Variants in CD101 observed in about 807,000 individuals in gnomAD.
CD101 encodes the protein immunoglobulin superfamily member 2.
Under a neutral mutation model 98.2 loss-of-function variants are expected in CD101, and 76 were observed. That is an observed-to-expected ratio of 0.77 (90% CI 0.64 to 0.94). The LOEUF is 0.94. Ranked by LOEUF, CD101 falls within the 40% of genes least tolerant of loss-of-function variation. CD101 has a pLI of 0.00. For synonymous variants in CD101, 471 were observed against 472.7 expected (o/e 1.00, Z 0.05); for missense variants, 1,145 against 1,218.8 (o/e 0.94, Z 0.90).
rs1653036102 is a variant in CD101 at position 117,013,747 on chromosome 1, A to G, written c.1183A>G (p.Arg395Gly). The G allele has an allele frequency of 6.2e-7, 1 of 1,613,520 alleles. No homozygotes were observed. Among genetic ancestry groups the G allele is most frequent in the Admixed American group, 1.7e-5 (1 of 59,976 alleles). ...TRTGSWQVLQ[R>G]KQSPDSHVHL... Reference sequence around the variant, plus strand: ...CACAGGTTCCTGGCAGGTGCTTCAGAGAAAGCAGTCACCAGACAGCCACGT... The same window carrying G: ...CACAGGTTCCTGGCAGGTGCTTCAGGGAAAGCAGTCACCAGACAGCCACGT... Residue 395 changes from arginine to glycine, a missense_variant, in exon 4 of 10, where the codon AGA (arginine) becomes GGA (glycine). Physicochemically the swap from Arg to Gly is moderately radical, Grantham distance 125. Transcript: ENST00000682167.
chr1:117,008,398 G>T (rs940013953), intron 1 of CD101, among the ~76,000 whole-genome samples: 1 of 152,094 alleles, frequency 6.6e-6, no homozygotes, highest in African/African-American at 2.4e-5. Flanking sequence ...CTGGGAGGCA[G>T]AGGTTGCAGT....
At chr1:117,026,131 G>A in intron 8 of CD101, 1 of 468,514 alleles carries the variant, frequency 2.1e-6, no homozygotes, top group South Asian at 3.8e-5. Flanking sequence ...AATATCGGGA[G>A]CATCTGACAG....
chr1:117,032,691 A>C (rs1283874378), intron 8 of CD101, among the ~76,000 whole-genome samples: 1 of 152,266 alleles, frequency 6.6e-6, no homozygotes, highest in African/African-American at 2.4e-5. Context: ...ATATCATGTC[A>C]TAAATAAATG....
At chr1:117,003,140 TA>T in intron 1 of CD101, among the ~76,000 whole-genome samples, 1 of 152,030 alleles carries the variant, frequency 6.6e-6, no homozygotes, top group Non-Finnish European at 1.5e-5. Flanking sequence ...AGATTCCATC[TA>T]AAAAAACAAA....
At chr1:117,032,625 C>G (rs886807598) in intron 8 of CD101, 1 of 152,216 alleles carries the variant, frequency 6.6e-6, no homozygotes, top group Admixed American at 6.5e-5. Context: ...TACAATTTTC[C>G]AGTAAAAGCA....
At chr1:117,029,155 GA>G (rs1390748308) in intron 8 of CD101, among the ~76,000 whole-genome samples, 1 of 85,328 alleles carries the variant, frequency 1.2e-5, no homozygotes, top group East Asian at 2.8e-4. Flanking sequence ...AAGAAAGAAA[GA>G]AAGAAAGAAA....
At chr1:117,014,547 T>A (rs1653095775) in intron 4 of CD101, among the ~76,000 whole-genome samples, 1 of 152,162 alleles carries the variant, frequency 6.6e-6, no homozygotes, top group Non-Finnish European at 1.5e-5. Flanking sequence ...TTTATGAAGG[T>A]TGGGTGACCT....
Position 117,021,471 on chromosome 1 carries a change from A to G in CD101, c.2018-102A>G. On this transcript the variant is annotated intron_variant, in intron 6 of 9. Coordinates refer to ENST00000682167, the MANE Select transcript of CD101 (RefSeq NM_001256106.3). This position sits in a 1 kb window ranked among gnomAD's most constrained non-coding sequence, Gnocchi z 4.7. ...GCTACTGTAGAGGGAGTTCACCCAT[A>G]TGATGGCGGGAGGATGCAGTGTCAT... is the stretch of plus-strand genomic sequence containing the variant. The G allele has an allele frequency of 1.1e-6, 1 of 946,194 alleles. No homozygotes were observed. Among genetic ancestry groups the G allele is most frequent in the Non-Finnish European group, 1.5e-6 (1 of 650,768 alleles). The allele number at this position is 946,194 out of a possible 1,614,324, so 58.6% of individuals were successfully genotyped here.
intron 1 of CD101, among the ~76,000 whole-genome samples, chr1:117,008,375 G>T (rs908559285): frequency 1.3e-5 from 2 of 151,960 alleles, no homozygotes; most frequent in Non-Finnish European, 2.9e-5. Context: ...TGAGGCAAGA[G>T]AATCACTTGA....
rs138668122 is a variant in CD101, at chr1:117,020,096, G to A, written c.2018-1477G>A. 1.8e-3 allele frequency among the ~76,000 whole-genome samples: 273 copies of A among 151,854 alleles called. 1 individual carries two copies. The highest frequency in any genetic ancestry group is 9.4e-3 in the South Asian group (45 of 4,806). On this transcript the variant is annotated intron_variant, in intron 6 of 9. Coordinates refer to ENST00000682167, the MANE Select transcript of CD101 (RefSeq NM_001256106.3). ...GGCAATCCTTAACCTCTTCTCCATC[G>A]GAATAATTCCTATAAACCCTTAAGA...
intron 1 of CD101, 44 bp downstream of exon 1, chr1:117,001,904 A>G (rs1311156573): frequency 1.3e-6 from 2 of 1,591,558 alleles, no homozygotes; most frequent in South Asian, 1.1e-5. Flanking sequence ...ACAGGAGTTC[A>G]TCAACTCAGG....
At position 117,013,782 on chromosome 1, in the gene CD101, G is replaced by A. The variant is rs1418154719; in HGVS notation, c.1218G>A (p.Arg406=). 6.2e-6 allele frequency: 10 copies of A among 1,610,504 alleles called. No homozygotes were observed. Among genetic ancestry groups the A allele is most frequent in the Non-Finnish European group, 8.5e-6 (10 of 1,178,804 alleles). ...CACCAGACAGCCACGTGCACCTGAG[G>A]AAGCCAGCAGGTACGTAAAGTCAAG... is the stretch of plus-strand genomic sequence containing the variant. ...KQSPDSHVHL[R]KPAARSVVMS... Residue 406 remains arginine (R), a synonymous_variant, in exon 4 of 10, where the codon AGG becomes AGA. Transcript: ENST00000682167.
In CD101 at chr1:117,022,152, GA is replaced by G. The variant is rs143716243; in HGVS notation, c.2428+170del. Among the ~76,000 whole-genome samples, 433 of 152,296 alleles carry G rather than the reference GA, an allele frequency of 2.8e-3. 3 individuals are homozygous for G. Among genetic ancestry groups the G allele is most frequent in the Non-Finnish European group, 4.3e-3 (293 of 68,012 alleles). On this transcript the variant is annotated intron_variant, in intron 7 of 9. Transcript: ENST00000682167. This position sits in a 1 kb window ranked among gnomAD's most constrained non-coding sequence, Gnocchi z 4.8. ...GACCGAGTAGTCCACCAAAGGAGGG[GA>G]GGTCACTTAAGGCAATCCAATCTGA...
rs749000224 is a variant in CD101 at position 117,018,457 on chromosome 1, T to G, written c.1914T>G (p.Tyr638Ter). Residue 638 changes from tyrosine (Y) to a stop codon, truncating the protein, a stop_gained, in exon 6 of 10, where the codon TAT becomes TAG. Transcript: ENST00000682167. LOFTEE classifies it high-confidence loss of function. This position sits in a 1 kb window ranked among gnomAD's most constrained non-coding sequence, Gnocchi z 4.3. ...CCACTGAGGAAGAGACAGGAGTGTATCAGTGTGAAGTAGAAGTTTATGACA... is the reference window on the plus strand; with the variant it reads ...CCACTGAGGAAGAGACAGGAGTGTAGCAGTGTGAAGTAGAAGTTTATGACA... The part of the protein sequence containing the change: ...HDATEEETGV[Y>*]QCEVEVYDRN... 6.8e-6 allele frequency: 11 copies of G among 1,614,054 alleles called. No homozygotes were observed. The highest frequency in any genetic ancestry group is 9.3e-6 in the Non-Finnish European group (11 of 1,180,042).
At chr1:117,027,175 C>A (rs74424314) in intron 8 of CD101, among the ~76,000 whole-genome samples, 2,948 of 152,284 alleles carry the variant, frequency 0.019, 102 homozygotes, top group African/African-American at 0.067. Context: ...TCCTTTTCCC[C>A]TTATGCCTCC....
At chr1:117,028,155 C>A (rs1387993178) in intron 8 of CD101, among the ~76,000 whole-genome samples, 2 of 151,710 alleles carry the variant, frequency 1.3e-5, no homozygotes, top group African/African-American at 2.4e-5. Context: ...CAGTACAGTG[C>A]AGGTAGTATA....
chr1:117,034,621 A>T (rs1317004265), intron 9 of CD101, among the ~76,000 whole-genome samples: 1 of 152,216 alleles, frequency 6.6e-6, no homozygotes, highest in Non-Finnish European at 1.5e-5. Flanking sequence ...CGAGGCAGAA[A>T]TTCAATTTTC....
chr1:117,022,087 TAAAGTCA>T lies in CD101; in HGVS notation c.2428+105_2428+111del. On this transcript the variant is annotated intron_variant, in intron 7 of 9. Coordinates refer to ENST00000682167, the MANE Select transcript of CD101 (RefSeq NM_001256106.3). The surrounding 1 kb of genome is among the most constrained non-coding windows in gnomAD (Gnocchi z 4.8). ...ATTATGTGGAAGTAAAAATATGACCTAAAGTCATAGGAACAGTATCTACCTACACATG... is the reference window on the plus strand; with the variant it reads ...ATTATGTGGAAGTAAAAATATGACCTTAGGAACAGTATCTACCTACACATG... 7.8e-7 allele frequency: 1 copy of T among 1,289,262 alleles called. No homozygotes were observed. Among genetic ancestry groups the T allele is most frequent in the Non-Finnish European group, 1.1e-6 (1 of 931,396 alleles). The allele number at this position is 1,289,262 out of a possible 1,614,324, so 79.9% of individuals were successfully genotyped here.
Position 117,013,597 on chromosome 1 carries a change from G to A in CD101, c.1033G>A (p.Ala345Thr). 1.2e-6 allele frequency: 2 copies of A among 1,614,198 alleles called. No individual in the cohort carries two copies. Among genetic ancestry groups the A allele is most frequent in the Non-Finnish European group, 1.7e-6 (2 of 1,180,038 alleles). ...CCTGAAGAATGACTACAAAGAGAGA[G>A]CAAGTCAAGGAGAGCTCCAGGTTTC... ...LGLKNDYKERASQGELQVSKL... is the reference protein window; with the variant it reads ...LGLKNDYKERTSQGELQVSKL... The change falls in exon 4 of 10, where the codon GCA becomes ACA. Residue 345 changes from alanine (A) to threonine (T), a missense_variant. Ala to Thr is a moderately conservative substitution (Grantham distance 58). Coordinates refer to ENST00000682167, the MANE Select transcript of CD101 (RefSeq NM_001256106.3).
Sources: gnomAD v4.1 joint callset for allele counts (sites outside exome capture counted in the v4.1 genomes callset) on GRCh38, gnomAD v4.1.1 for gene constraint, Gnocchi (gnomAD v3.1) non-coding constraint, MANE v1.5 for transcripts, NCBI Gene and HGNC (gene_info 2026-07-23, HGNC 2026-07-21) for gene names.